The following AFF3 variants were observed in gnomAD, a reference collection of about 807,000 sequenced individuals.
AFF3 encodes the protein ALF transcription elongation factor 3.
In AFF3, 32 loss-of-function variants were observed where a neutral mutation model predicts 129.7. That is an observed-to-expected ratio of 0.25 (90% CI 0.19 to 0.33). The LOEUF (loss-of-function observed/expected upper bound fraction) is 0.33. Among genes scored for constraint, AFF3 ranks in the 10% least tolerant of loss-of-function variants. The pLI, the probability that AFF3 is intolerant of heterozygous loss-of-function variation, is 1.00. For missense variants in AFF3, 1,373 were observed against 1,592.0 expected (o/e 0.86, Z 2.34); for synonymous variants, 644 against 635.4 (o/e 1.01, Z -0.20).
chr2:99,895,823 C>T (rs1693894336), intron 7 of AFF3, among the ~76,000 whole-genome samples: 1 of 152,156 alleles, frequency 6.6e-6, no homozygotes, highest in Non-Finnish European at 1.5e-5. Flanking sequence ...AATCCCAATA[C>T]TCTGGGAGGC....
At position 99,637,406 on chromosome 2, in the gene AFF3, G is replaced by A. The variant is rs116353808; in HGVS notation, c.1184+12220C>T. Among the ~76,000 whole-genome samples the A allele has an allele frequency of 6.5e-3, 990 of 152,288 alleles. 11 individuals are homozygous for A. Among genetic ancestry groups the A allele is most frequent in the African/African-American group, 0.023 (939 of 41,556 alleles). On this transcript the variant is annotated intron_variant, in intron 13 of 24. Coordinates refer to ENST00000672756, the MANE Select transcript of AFF3 (RefSeq NM_001386135.1). ...GGCACCTGTGTTCAGAAACACATAC[G>A]GGCACTGAAATGCATCTTTTTTGAA...
At chr2:99,993,899 G>C (rs1054877209) in intron 7 of AFF3, among the ~76,000 whole-genome samples, 11 of 138,118 alleles carry the variant, frequency 8.0e-5, no homozygotes, top group African/African-American at 3.0e-4. Flanking sequence ...TCCACCTCCT[G>C]GGTTCAAGCA....
intron 12 of AFF3, among the ~76,000 whole-genome samples, chr2:99,664,467 C>T (rs1053162700): frequency 1.4e-4 from 21 of 152,200 alleles, no homozygotes; most frequent in African/African-American, 5.1e-4. Context: ...TTCAATATAG[C>T]TTGATGTAAG....
At chr2:99,986,188 G>T (rs192317630) in intron 7 of AFF3, among the ~76,000 whole-genome samples, 1 of 145,324 alleles carries the variant, frequency 6.9e-6, no homozygotes, top group Non-Finnish European at 1.5e-5. Flanking sequence ...GCGACAGAGC[G>T]AGACTTCATC....
chr2:99,984,997 C>T (rs1679739335), intron 7 of AFF3, among the ~76,000 whole-genome samples: 1 of 152,102 alleles, frequency 6.6e-6, no homozygotes, highest in South Asian at 2.1e-4. Context: ...GGCAACTTCA[C>T]ATCAGGAGGA....
chr2:99,640,598 A>G (rs1308380760), intron 13 of AFF3, among the ~76,000 whole-genome samples: 1 of 151,114 alleles, frequency 6.6e-6, no homozygotes, highest in South Asian at 2.1e-4. Context: ...GAGAGTAGGG[A>G]AAGCTGGGCC....
chr2:99,734,785 C>G (rs1229939128), intron 10 of AFF3, among the ~76,000 whole-genome samples: 1 of 151,890 alleles, frequency 6.6e-6, no homozygotes, highest in Non-Finnish European at 1.5e-5. Context: ...AATATTTGAC[C>G]TAGAATTTTT....
chr2:99,966,676 C>T (rs1285344813), intron 7 of AFF3, among the ~76,000 whole-genome samples: 3 of 91,484 alleles, frequency 3.3e-5, no homozygotes, highest in Non-Finnish European at 5.7e-5. Flanking sequence ...GGCGACAGAG[C>T]GAGACTCCGT....
At chr2:100,118,991 G>C (rs1298150915) in intron 2 of AFF3, among the ~76,000 whole-genome samples, 1 of 152,052 alleles carries the variant, frequency 6.6e-6, no homozygotes, top group Admixed American at 6.6e-5. Context: ...AGCAGAGACG[G>C]GGTTTCACCA....
At chr2:99,561,392 G>T (rs1675460049) in intron 20 of AFF3, among the ~76,000 whole-genome samples, 1 of 152,182 alleles carries the variant, frequency 6.6e-6, no homozygotes, top group Non-Finnish European at 1.5e-5. Flanking sequence ...TTTTACAGCG[G>T]TTGCTCTGGA....
chr2:99,725,215 C>T (rs144083154), intron 11 of AFF3, among the ~76,000 whole-genome samples: 3,132 of 152,160 alleles, frequency 0.021, 68 homozygotes, highest in African/African-American at 0.053. Flanking sequence ...CCTCGTGATC[C>T]GCCCCCCTTG....
chr2:100,082,275 T>G (rs890982578), intron 4 of AFF3, among the ~76,000 whole-genome samples: 8 of 152,050 alleles, frequency 5.3e-5, no homozygotes, highest in African/African-American at 1.9e-4. Flanking sequence ...CAGAACAAAC[T>G]ATCTAACTGC....
At chr2:99,877,784 G>T (rs1016971577) in intron 7 of AFF3, among the ~76,000 whole-genome samples, 1 of 152,188 alleles carries the variant, frequency 6.6e-6, no homozygotes, top group South Asian at 2.1e-4. Context: ...GACTCTAGGT[G>T]TTAATTTTTT....
At chr2:99,883,680 C>T (rs1317707808) in intron 7 of AFF3, among the ~76,000 whole-genome samples, 2 of 152,100 alleles carry the variant, frequency 1.3e-5, no homozygotes, top group Admixed American at 6.6e-5. Context: ...CTCATTCTCG[C>T]CCTCAGGGTG....
intron 7 of AFF3, among the ~76,000 whole-genome samples, chr2:99,893,311 C>A (rs145685135): frequency 6.6e-6 from 1 of 152,320 alleles, no homozygotes; most frequent in African/African-American, 2.4e-5. Flanking sequence ...CTACACAGAG[C>A]AAGCATTTAA....
chr2:99,625,426 A>G (rs1575537738), intron 13 of AFF3, among the ~76,000 whole-genome samples: 1 of 152,120 alleles, frequency 6.6e-6, no homozygotes, highest in East Asian at 1.9e-4. Flanking sequence ...TATCCATCCA[A>G]CATAAAGATG....
intron 8 of AFF3, among the ~76,000 whole-genome samples, chr2:99,829,723 G>A (rs1267459532): frequency 3.3e-5 from 5 of 152,150 alleles, no homozygotes; most frequent in African/African-American, 1.2e-4. Context: ...ACATTGTGGC[G>A]ATTCCTCAAG....
chr2:99,804,027 A>C (rs1007698686), intron 8 of AFF3, among the ~76,000 whole-genome samples: 3 of 152,190 alleles, frequency 2.0e-5, no homozygotes, highest in African/African-American at 7.2e-5. Context: ...GCCTAGGCAA[A>C]GAATTTATGA....
At chr2:99,762,122 C>T (rs1023573798) in intron 8 of AFF3, among the ~76,000 whole-genome samples, 5 of 149,934 alleles carry the variant, frequency 3.3e-5, no homozygotes, top group Admixed American at 6.6e-5. Flanking sequence ...ATAATCAATG[C>T]CACTTTTTTT....
Sources: allele counts gnomAD v4.1 joint callset (sites outside exome capture counted in the v4.1 genomes callset), GRCh38; gene constraint gnomAD v4.1.1; transcripts MANE v1.5; gene names NCBI Gene and HGNC (gene_info 2026-07-23, HGNC 2026-07-21).